The following CDH13 variants were observed in gnomAD, a reference collection of about 807,000 sequenced individuals.
The protein encoded by CDH13 is cadherin 13.
A neutral mutation model predicts 63.8 loss-of-function variants in CDH13; 24 were observed. That is an observed-to-expected ratio of 0.38 (90% CI 0.27 to 0.53). The LOEUF (loss-of-function observed/expected upper bound fraction) is 0.53. Among genes scored for constraint, CDH13 ranks in the 20% least tolerant of loss-of-function variants. The pLI, the probability that CDH13 is intolerant of heterozygous loss-of-function variation, is 0.85. For missense variants in CDH13, 1,049 were observed against 903.1 expected (o/e 1.16, Z -2.07); for synonymous variants, 503 against 355.3 (o/e 1.42, Z -4.67).
chr16:82,796,451 A>C (rs1644069376), intron 1 of CDH13, among the ~76,000 whole-genome samples: 1 of 152,114 alleles, frequency 6.6e-6, no homozygotes, highest in Non-Finnish European at 1.5e-5. Flanking sequence ...TGGGCCATGC[A>C]CTCTAGGAGC....
chr16:83,411,862 A>T (rs1472445974), intron 6 of CDH13, among the ~76,000 whole-genome samples: 1 of 152,186 alleles, frequency 6.6e-6, no homozygotes, highest in African/African-American at 2.4e-5. Flanking sequence ...CCTCATAACA[A>T]GTTTATAAGG....
chr16:82,689,359 C>T (rs929777309), intron 1 of CDH13, among the ~76,000 whole-genome samples: 1 of 152,136 alleles, frequency 6.6e-6, no homozygotes, highest in Non-Finnish European at 1.5e-5. Context: ...TATTCATCCA[C>T]TCTTACAGAA....
At chr16:83,477,212 TAAAC>T (rs1256037085) in intron 6 of CDH13, among the ~76,000 whole-genome samples, 7 of 152,190 alleles carry the variant, frequency 4.6e-5, no homozygotes. Context: ...AGTATAAAAA[TAAAC>T]AACCTTTGAA....
At chr16:83,692,180 A>C in intron 10 of CDH13, among the ~76,000 whole-genome samples, 1 of 152,196 alleles carries the variant, frequency 6.6e-6, no homozygotes, top group East Asian at 1.9e-4. Flanking sequence ...TGTTTTTCAG[A>C]ATAAAATTGT....
intron 6 of CDH13, among the ~76,000 whole-genome samples, chr16:83,440,453 A>T (rs2072447171): frequency 6.6e-6 from 1 of 151,970 alleles, no homozygotes; most frequent in Admixed American, 6.6e-5. Context: ...CGTGGGGAGG[A>T]GGGGTCTCTG....
At chr16:83,476,577 GC>G (rs1312323114) in intron 6 of CDH13, among the ~76,000 whole-genome samples, 6 of 152,196 alleles carry the variant, frequency 3.9e-5, no homozygotes, top group African/African-American at 1.2e-4. Context: ...GAAGGCTGAG[GC>G]ATGAGAATCA....
chr16:83,001,554 A>G (rs1472091448), intron 2 of CDH13, among the ~76,000 whole-genome samples: 1 of 152,248 alleles, frequency 6.6e-6, no homozygotes, highest in Non-Finnish European at 1.5e-5. Context: ...TTAATTTAAG[A>G]AAAAGAGAAA....
At chr16:82,932,240 C>T (rs558910324) in intron 2 of CDH13, among the ~76,000 whole-genome samples, 3 of 152,124 alleles carry the variant, frequency 2.0e-5, no homozygotes, top group South Asian at 2.1e-4. Context: ...CCAACATTGA[C>T]ACACACTTAT....
intron 8 of CDH13, among the ~76,000 whole-genome samples, chr16:83,626,384 G>A (rs1910306424): frequency 6.6e-6 from 1 of 152,176 alleles, no homozygotes; most frequent in Non-Finnish European, 1.5e-5. Flanking sequence ...ATAACTGCAG[G>A]AGAGATGTGA....
chr16:83,385,709 T>C (rs887608251), intron 6 of CDH13, among the ~76,000 whole-genome samples: 1 of 152,208 alleles, frequency 6.6e-6, no homozygotes, highest in East Asian at 1.9e-4. Context: ...ATACTAGTCA[T>C]GTGGCCCCAG....
At position 83,074,817 on chromosome 16, in the gene CDH13, A is replaced by G. The variant is rs2032704026; in HGVS notation, c.366+42599A>G. Among the ~76,000 whole-genome samples the G allele has an allele frequency of 1.3e-5, 2 of 152,266 alleles. 1 individual carries two copies. Among genetic ancestry groups the G allele is most frequent in the South Asian group, 4.1e-4 (2 of 4,836 alleles). On this transcript the variant is annotated intron_variant, in intron 3 of 13. Coordinates refer to ENST00000567109, the MANE Select transcript of CDH13 (RefSeq NM_001257.5). ...TAAGTGAGTTCCTGATAAATAGTCC[A>G]TATTTTACCTCAGGTCTTCTGATTC...
intron 2 of CDH13, among the ~76,000 whole-genome samples, chr16:82,890,583 TACATTTGTA>T (rs930146061): frequency 4.6e-5 from 7 of 151,998 alleles, no homozygotes; most frequent in African/African-American, 1.7e-4. Context: ...AAGGTCTTCT[TACATTTGTA>T]ACATTTGTTG....
intron 9 of CDH13, 148 bp from the exon 10 acceptor site, chr16:83,678,060 G>A (rs1188108262): frequency 3.2e-6 from 2 of 618,814 alleles, no homozygotes; most frequent in Non-Finnish European, 2.8e-6. Flanking sequence ...CTTAAAGATA[G>A]CCCCCCAGTT....
At chr16:83,208,370 C>G (rs1055726861) in intron 4 of CDH13, among the ~76,000 whole-genome samples, 3 of 152,124 alleles carry the variant, frequency 2.0e-5, no homozygotes, top group Admixed American at 6.5e-5. Context: ...AAGGACTAAC[C>G]CACAGCTGAG....
At chr16:83,377,122 C>A (rs1443712326) in intron 6 of CDH13, among the ~76,000 whole-genome samples, 2 of 152,106 alleles carry the variant, frequency 1.3e-5, no homozygotes, top group Admixed American at 1.3e-4. Context: ...CCAGCTGAGT[C>A]CTTCCTGAAT....
At chr16:83,108,380 G>A (rs552951284) in intron 3 of CDH13, among the ~76,000 whole-genome samples, 3 of 152,296 alleles carry the variant, frequency 2.0e-5, no homozygotes, top group Non-Finnish European at 4.4e-5. Context: ...GAAAGACTGG[G>A]CTCACAGCCA....
rs573129859 is a variant in CDH13, at chr16:82,737,887, T to G, written c.45+110750T>G. ...ATATATACAAGCACTGGTGAAACCA[T>G]CAGCTTCATAATCAAGGCTTCCAAT... On this transcript the variant is annotated intron_variant, in intron 1 of 13. Transcript: ENST00000567109. Among the ~76,000 whole-genome samples, 6 of 152,368 alleles carry G rather than the reference T, an allele frequency of 3.9e-5. No homozygotes were observed. The East Asian group carries it at 1.2e-3, about 29-fold the overall frequency.
intron 6 of CDH13, chr16:83,383,289 A>G (rs1001587402): frequency 6.6e-5 from 10 of 152,194 alleles, no homozygotes; most frequent in African/African-American, 2.4e-4. Context: ...AGGCTCAGGA[A>G]TGTTAGCCTC....
intron 6 of CDH13, among the ~76,000 whole-genome samples, chr16:83,403,604 C>T (rs1402298935): frequency 6.6e-6 from 1 of 151,944 alleles, no homozygotes; most frequent in Admixed American, 6.6e-5. Flanking sequence ...CTCTGGGCGA[C>T]AGAGCGAGAC....
Sources: allele counts gnomAD v4.1 joint callset (sites outside exome capture counted in the v4.1 genomes callset), GRCh38; gene constraint gnomAD v4.1.1; transcripts MANE v1.5; gene names NCBI Gene and HGNC (gene_info 2026-07-23, HGNC 2026-07-21).